WDR70: variants seen among roughly 807,000 people sequenced by gnomAD.
WDR70 encodes WD repeat domain 70.
In WDR70, 53 loss-of-function variants were observed where a neutral mutation model predicts 88.6. The observed-to-expected ratio is 0.60, with a 90% CI of 0.48 to 0.75. The LOEUF (loss-of-function observed/expected upper bound fraction) is 0.75. Among genes scored for constraint, WDR70 ranks in the 30% least tolerant of loss-of-function variants. The pLI is 0.00. For missense variants in WDR70, 610 were observed against 823.2 expected (o/e 0.74, Z 3.17); for synonymous variants, 280 against 270.0 (o/e 1.04, Z -0.36).
At chr5:37,492,225 C>G (rs1423025612) in intron 8 of WDR70, among the ~76,000 whole-genome samples, 1 of 152,220 alleles carries the variant, frequency 6.6e-6, no homozygotes, top group Non-Finnish European at 1.5e-5. Flanking sequence ...TTGGATACAT[C>G]TAATTCTAAT....
At chr5:37,473,082 T>G (rs904307973) in intron 7 of WDR70, among the ~76,000 whole-genome samples, 3 of 151,994 alleles carry the variant, frequency 2.0e-5, no homozygotes, top group African/African-American at 7.3e-5. Context: ...TTTTAGTGGG[T>G]GGGTATAAAA....
intron 5 of WDR70, among the ~76,000 whole-genome samples, chr5:37,437,683 GA>G (rs1750510622): frequency 6.6e-6 from 1 of 152,174 alleles, no homozygotes; most frequent in African/African-American, 2.4e-5. Flanking sequence ...AGAACCTAAT[GA>G]GTTTCTTAGG....
intron 8 of WDR70, among the ~76,000 whole-genome samples, chr5:37,508,571 T>A (rs1352859784): frequency 1.3e-5 from 2 of 152,248 alleles, no homozygotes; most frequent in Non-Finnish European, 2.9e-5. Context: ...CTGAATTTTT[T>A]ATCTTATTAT....
intron 10 of WDR70, among the ~76,000 whole-genome samples, chr5:37,660,682 T>A (rs1446770572): frequency 2.0e-5 from 3 of 152,138 alleles, no homozygotes; most frequent in African/African-American, 7.2e-5. Flanking sequence ...AGGCTGATCT[T>A]CAGTAAGTTT....
chr5:37,542,440 C>T (rs894453109), intron 9 of WDR70, among the ~76,000 whole-genome samples: 2 of 151,850 alleles, frequency 1.3e-5, no homozygotes, highest in South Asian at 2.1e-4. Context: ...CCACCATGCC[C>T]GGCTAATTTT....
At chr5:37,621,494 T>A (rs531935766) in intron 10 of WDR70, among the ~76,000 whole-genome samples, 1 of 152,302 alleles carries the variant, frequency 6.6e-6, no homozygotes, top group African/African-American at 2.4e-5. Flanking sequence ...AAAGACACAT[T>A]CTCATGTGTC....
intron 9 of WDR70, among the ~76,000 whole-genome samples, chr5:37,549,017 C>T (rs1742071592): frequency 6.6e-6 from 1 of 152,068 alleles, no homozygotes; most frequent in Admixed American, 6.6e-5. Context: ...GTTTTTAGGC[C>T]AGTACCATGC....
chr5:37,526,768 A>G (rs531070955), intron 9 of WDR70, among the ~76,000 whole-genome samples: 6 of 152,342 alleles, frequency 3.9e-5, no homozygotes, highest in African/African-American at 1.4e-4. Flanking sequence ...TTAAGCTGAT[A>G]AGCAACTTCA....
At chr5:37,634,241 G>A (rs1044579277) in intron 10 of WDR70, among the ~76,000 whole-genome samples, 17 of 148,842 alleles carry the variant, frequency 1.1e-4, no homozygotes, top group African/African-American at 3.9e-4. Context: ...GGAGCTTGTA[G>A]TGAGCTGAGA....
intron 7 of WDR70, among the ~76,000 whole-genome samples, chr5:37,474,332 G>A (rs955022250): frequency 1.3e-5 from 2 of 152,116 alleles, no homozygotes; most frequent in Non-Finnish European, 2.9e-5. Context: ...TATTAATTTT[G>A]TGGTTCTAAT....
chr5:37,638,837 C>T (rs1745037202), intron 10 of WDR70, among the ~76,000 whole-genome samples: 1 of 152,106 alleles, frequency 6.6e-6, no homozygotes, highest in Non-Finnish European at 1.5e-5. Context: ...ATAACTGACA[C>T]CTCAGACTTC....
chr5:37,459,111 T>TA (rs1359137500), intron 7 of WDR70, among the ~76,000 whole-genome samples: 4 of 46,388 alleles, frequency 8.6e-5, no homozygotes, highest in East Asian at 7.4e-4. Context: ...GAGCAGGTTG[T>TA]TCAGTTTCCA....
chr5:37,660,529 C>T (rs968505313), intron 10 of WDR70, among the ~76,000 whole-genome samples: 2 of 151,428 alleles, frequency 1.3e-5, no homozygotes, highest in Admixed American at 1.3e-4. Context: ...GCTGAATTGA[C>T]CCTTTCATCA....
chr5:37,494,805 T>C (rs943349918), intron 8 of WDR70, among the ~76,000 whole-genome samples: 1 of 152,238 alleles, frequency 6.6e-6, no homozygotes, highest in Admixed American at 6.5e-5. Flanking sequence ...TGAATTTGTT[T>C]TTGAGGTATT....
chr5:37,528,894 AAT>A (rs1447726997), intron 9 of WDR70, among the ~76,000 whole-genome samples: 1 of 139,870 alleles, frequency 7.1e-6, no homozygotes, highest in Non-Finnish European at 1.5e-5. Context: ...TGCCTAAGCC[AAT>A]GTCTAGAGGG....
At chr5:37,655,474 T>G (rs1045639832) in intron 10 of WDR70, among the ~76,000 whole-genome samples, 1 of 152,170 alleles carries the variant, frequency 6.6e-6, no homozygotes, top group Non-Finnish European at 1.5e-5. Flanking sequence ...TGAATGTGAA[T>G]GATGGCCTCT....
intron 10 of WDR70, among the ~76,000 whole-genome samples, chr5:37,692,974 C>T (rs1228135350): frequency 6.6e-6 from 1 of 152,198 alleles, no homozygotes; most frequent in African/African-American, 2.4e-5. Flanking sequence ...ACCCCATTGT[C>T]TCATCCCAAA....
intron 8 of WDR70, among the ~76,000 whole-genome samples, chr5:37,514,488 C>T (rs1382308874): frequency 2.0e-5 from 3 of 150,880 alleles, no homozygotes; most frequent in African/African-American, 2.4e-5. Flanking sequence ...ATCAACCCGT[C>T]ACCTAGGTAT....
intron 9 of WDR70, among the ~76,000 whole-genome samples, chr5:37,576,471 G>A (rs1006060432): frequency 6.6e-6 from 1 of 151,936 alleles, no homozygotes; most frequent in Non-Finnish European, 1.5e-5. Context: ...TTATATACTT[G>A]TATTTTATTT....
Sources: gnomAD v4.1 joint callset for allele counts (sites outside exome capture counted in the v4.1 genomes callset) on GRCh38, gnomAD v4.1.1 for gene constraint, MANE v1.5 for transcripts, NCBI Gene and HGNC (gene_info 2026-07-23, HGNC 2026-07-21) for gene names.